FAIM2: variants seen among roughly 807,000 people sequenced by gnomAD.
FAIM2 encodes the protein protein lifeguard 2.
FAIM2 carries 27 observed loss-of-function variants against 47.4 expected under a neutral mutation model. The observed-to-expected ratio is 0.57, with a 90% CI of 0.42 to 0.78. The LOEUF (loss-of-function observed/expected upper bound fraction) is 0.78, where lower values mean the gene tolerates loss of function less well. FAIM2 is among the 30% of genes least tolerant of loss of function. The pLI is 0.00. For missense variants in FAIM2, 311 were observed against 389.4 expected, an observed-to-expected ratio of 0.80 and a Z score of 1.69; for synonymous variants, 156 against 159.3, an observed-to-expected ratio of 0.98 and a Z score of 0.16.
rs1281068528 is a variant in FAIM2 at position 49,897,097 on chromosome 12, G to C, written c.381-13C>G. On this transcript the variant is annotated splice_polypyrimidine_tract_variant and intron_variant, in intron 4 of 11. Coordinates refer to ENST00000320634, the MANE Select transcript of FAIM2 (RefSeq NM_012306.4). ...CTTGACAGGGTCACTGCAGAGAAGA[G>C]AGAGTGGGAGAGAGAGTCAGAATGT... 2 of 1,607,840 alleles carry C rather than the reference G, an allele frequency of 1.2e-6. No individual in the cohort carries two copies. Among genetic ancestry groups the C allele is most frequent in the African/African-American group, 1.3e-5 (1 of 74,826 alleles).
intron 2 of FAIM2, among the ~76,000 whole-genome samples, chr12:49,899,930 C>T (rs1946969778): frequency 6.6e-6 from 1 of 152,222 alleles, no homozygotes; most frequent in Non-Finnish European, 1.5e-5. Flanking sequence ...AAACAGCAGT[C>T]CTAGCAACGA....
At chr12:49,870,674 G>C (rs756073107) in intron 11 of FAIM2, 21 bp from the exon 12 acceptor site, 17 of 1,613,206 alleles carry the variant, frequency 1.1e-5, no homozygotes, top group South Asian at 9.9e-5. Context: ...TGAGGAGAGA[G>C]AGAGAGAGGT....
chr12:49,898,621 G>A (rs972455264), intron 2 of FAIM2, among the ~76,000 whole-genome samples: 8 of 152,248 alleles, frequency 5.3e-5, no homozygotes, highest in Admixed American at 5.2e-4. Context: ...GACTTCCCCT[G>A]GCTCAGGCGA....
intron 11 of FAIM2, among the ~76,000 whole-genome samples, chr12:49,880,293 T>C (rs1184365684): frequency 2.0e-5 from 3 of 147,558 alleles, no homozygotes; most frequent in Admixed American, 6.7e-5. Flanking sequence ...TATGAGTGTA[T>C]CTGTGTATGT....
At chr12:49,879,801 TAC>T (rs1449135435) in intron 11 of FAIM2, among the ~76,000 whole-genome samples, 25 of 151,876 alleles carry the variant, frequency 1.6e-4, no homozygotes, top group Admixed American at 7.9e-4. Context: ...TATGTGTGCA[TAC>T]GACTGTGTAT....
At chr12:49,882,015 C>G (rs1946829115) in intron 11 of FAIM2, among the ~76,000 whole-genome samples, 1 of 152,202 alleles carries the variant, frequency 6.6e-6, no homozygotes, top group Non-Finnish European at 1.5e-5. Flanking sequence ...ACAGCGCTTC[C>G]AAAGCTCAGG....
chr12:49,868,571 A>C lies in FAIM2; in HGVS notation c.*1933T>G, dbSNP rs1353703703. On this transcript the variant is annotated 3_prime_UTR_variant, in exon 12 of 12. Coordinates refer to ENST00000320634, the MANE Select transcript of FAIM2 (RefSeq NM_012306.4). The stretch of plus-strand genomic sequence containing the variant: ...TGACCACCCACCTCTCTGCGCTCTC[A>C]TGTGGTCTCATTCCGGCCCCCACCC... The C allele has an allele frequency of 6.6e-6, 1 of 152,116 alleles. No homozygotes were observed. The highest frequency in any genetic ancestry group is 2.4e-5 in the African/African-American group (1 of 41,408). The allele number at this position is 152,116 out of a possible 1,614,324, so 9.4% of individuals were successfully genotyped here. A position where few individuals can be genotyped will look rare whatever the true frequency, so the allele number is the denominator to read the frequency against.
intron 11 of FAIM2, among the ~76,000 whole-genome samples, chr12:49,881,878 C>T (rs965454459): frequency 2.6e-5 from 4 of 152,252 alleles, no homozygotes; most frequent in East Asian, 1.9e-4. Context: ...AGCCCTGAGA[C>T]GCCTCGCCTG....
At chr12:49,878,328 G>A (rs1199700304) in intron 11 of FAIM2, among the ~76,000 whole-genome samples, 1 of 135,766 alleles carries the variant, frequency 7.4e-6, no homozygotes, top group Non-Finnish European at 1.6e-5. Flanking sequence ...ATGTGTATTT[G>A]TGTGCATGTG....
chr12:49,872,721 A>T (rs1565611580), intron 11 of FAIM2, among the ~76,000 whole-genome samples: 1 of 152,168 alleles, frequency 6.6e-6, no homozygotes, highest in Non-Finnish European at 1.5e-5. Context: ...TGAAAGTCAG[A>T]TCCACTTGGA....
intron 4 of FAIM2, 44 bp from the exon 5 acceptor site, chr12:49,897,128 A>C: frequency 6.7e-7 from 1 of 1,484,364 alleles, no homozygotes; most frequent in Non-Finnish European, 9.4e-7. Context: ...AATGTACCCT[A>C]GGTCTCCATT....
At chr12:49,887,778 C>T (rs750536882) in intron 10 of FAIM2, among the ~76,000 whole-genome samples, 4 of 152,106 alleles carry the variant, frequency 2.6e-5, no homozygotes, top group African/African-American at 4.8e-5. Context: ...GCTGCTCCCG[C>T]CTCCCAGTGT....
At chr12:49,897,336 A>C (rs1946944923) in intron 4 of FAIM2, among the ~76,000 whole-genome samples, 183 bp downstream of exon 4, 1 of 152,106 alleles carries the variant, frequency 6.6e-6, no homozygotes, top group South Asian at 2.1e-4. Context: ...GGTCCACCCC[A>C]CACTGGACAG....
chr12:49,873,460 T>A (rs1946716166), intron 11 of FAIM2, among the ~76,000 whole-genome samples: 1 of 152,220 alleles, frequency 6.6e-6, no homozygotes, highest in South Asian at 2.1e-4. Flanking sequence ...CCAGTGCAAA[T>A]GCTTTGGGCC....
intron 2 of FAIM2, among the ~76,000 whole-genome samples, 153 bp from the exon 3 acceptor site, chr12:49,898,243 G>A (rs532780959): frequency 2.0e-5 from 3 of 152,304 alleles, no homozygotes; most frequent in Admixed American, 6.5e-5. Flanking sequence ...CACCCAGCCC[G>A]GCTCCACCCC....
chr12:49,898,611 G>C (rs961346284), intron 2 of FAIM2, among the ~76,000 whole-genome samples: 1 of 152,060 alleles, frequency 6.6e-6, no homozygotes, highest in Non-Finnish European at 1.5e-5. Flanking sequence ...CGGCAGCCTC[G>C]ACTTCCCCTG....
intron 11 of FAIM2, among the ~76,000 whole-genome samples, chr12:49,877,946 G>C (rs1374170321): frequency 1.3e-5 from 2 of 151,008 alleles, no homozygotes; most frequent in Non-Finnish European, 1.5e-5. Context: ...GTGTGTATAT[G>C]TGCGTATGTG....
Position 49,870,468 on chromosome 12 carries a change from G to A in FAIM2, c.*36C>T, listed in dbSNP as rs373022540. 2.4e-5 allele frequency: 38 copies of A among 1,595,766 alleles called. No individual in the cohort carries two copies. Among genetic ancestry groups the A allele is most frequent in the Admixed American group, 5.1e-5 (3 of 59,062 alleles). On this transcript the variant is annotated 3_prime_UTR_variant, in exon 12 of 12. Coordinates refer to ENST00000320634, the MANE Select transcript of FAIM2 (RefSeq NM_012306.4). ...GGAGGGACAGGGAACCAGGAGGGGC[G>A]CATTCTCTGGAGGACGGTGGGGCAG...
chr12:49,874,974 C>T lies in FAIM2; in HGVS notation c.802-4321G>A, dbSNP rs565343273. Among the ~76,000 whole-genome samples, 3 of 152,212 alleles carry T rather than the reference C, an allele frequency of 2.0e-5. No homozygotes were observed. The highest frequency in any genetic ancestry group is 6.5e-5 in the Admixed American group (1 of 15,276). On this transcript the variant is annotated intron_variant, in intron 11 of 11. Transcript: ENST00000320634. This position sits in a 1 kb window ranked among gnomAD's most constrained non-coding sequence, Gnocchi z 4.2. Reference sequence around the variant, plus strand: ...TCGTATGATCCCATAAAACTATACACGTCAGAGGAGCGCACATAGCAAATA... The same window carrying T: ...TCGTATGATCCCATAAAACTATACATGTCAGAGGAGCGCACATAGCAAATA...
Sources: allele counts gnomAD v4.1 joint callset (sites outside exome capture counted in the v4.1 genomes callset), GRCh38; gene constraint gnomAD v4.1.1; non-coding constraint Gnocchi (gnomAD v3.1); transcripts MANE v1.5; gene names NCBI Gene and HGNC (gene_info 2026-07-23, HGNC 2026-07-21).